Variants in FAHD2B observed in about 807,000 individuals in gnomAD.
FAHD2B encodes the protein oxaloacetate tautomerase FAHD2B, mitochondrial.
FAHD2B carries 26 observed loss-of-function variants against 33.7 expected under a neutral mutation model. The observed-to-expected ratio is 0.77, with a 90% CI of 0.57 to 1.07. The LOEUF is 1.07. Ranked by LOEUF, FAHD2B falls within the 50% of genes least tolerant of loss-of-function variation. The pLI is 0.00. For missense variants in FAHD2B, 272 were observed against 388.1 expected, an observed-to-expected ratio of 0.70 and a Z score of 2.51; for synonymous variants, 108 against 150.9, an observed-to-expected ratio of 0.72 and a Z score of 2.08.
rs773944783 is a variant in FAHD2B, at chr2:97,090,237, C to A, written c.334G>T (p.Gly112Cys). The A allele has an allele frequency of 6.2e-7, 1 of 1,610,526 alleles. No homozygotes were observed. The highest frequency in any genetic ancestry group is 8.5e-7 in the Non-Finnish European group (1 of 1,178,582). ...TTGCAGTGGTCCACATAATTCATGC[C>A]CACACACACCACCTTATCTGGCCAT... ...VTWPDKVVCV[G>C]MNYVDHCKEQ... is the part of the protein sequence containing the mutation. Residue 112 changes from glycine to cysteine, a missense_variant, in exon 4 of 9, where the codon GGC becomes TGC. Physicochemically the swap from Gly to Cys is radical, Grantham distance 159. Coordinates refer to ENST00000414820, the MANE Select transcript of FAHD2B (RefSeq NM_001320848.2).
rs1438943985 is a variant in FAHD2B at position 97,090,230 on chromosome 2, T to C, written c.341A>G (p.Asn114Ser). The C allele has an allele frequency of 6.2e-7, 1 of 1,609,682 alleles. No individual in the cohort carries two copies. Among genetic ancestry groups the C allele is most frequent in the Non-Finnish European group, 8.5e-7 (1 of 1,178,130 alleles). ...WPDKVVCVGM[N>S]YVDHCKEQNV... is the part of the protein sequence containing the mutation. ...CTGTTCTTTGCAGTGGTCCACATAA[T>C]TCATGCCCACACACACCACCTTATC... is the stretch of plus-strand genomic sequence containing the variant. Residue 114 changes from asparagine to serine, a missense_variant, in exon 4 of 9, where the codon AAT becomes AGT. Asn to Ser is a conservative substitution (Grantham distance 46). Transcript: ENST00000414820.
Position 97,083,617 on chromosome 2 carries a change from C to T in FAHD2B, c.*138G>A. 7.3e-7 allele frequency: 1 copy of T among 1,372,856 alleles called. No homozygotes were observed. The allele number at this position is 1,372,856 out of a possible 1,614,324, so 85.0% of individuals were successfully genotyped here. On this transcript the variant is annotated 3_prime_UTR_variant, in exon 9 of 9. Coordinates refer to ENST00000414820, the MANE Select transcript of FAHD2B (RefSeq NM_001320848.2). ...GACCCGACGCATTTATTGAAGAGAG[C>T]TCTGTCCTTCTCCCTTCTACCGAGA...
At chr2:97,090,686 C>T (rs1474726501) in intron 3 of FAHD2B, among the ~76,000 whole-genome samples, 1 of 152,046 alleles carries the variant, frequency 6.6e-6, no homozygotes, top group East Asian at 1.9e-4. Context: ...TGATAGCATA[C>T]TATTTACATC....
At chr2:97,082,571 G>C, downstream of FAHD2B, 5 of 1,582,764 alleles carry the variant, frequency 3.2e-6, no homozygotes, top group Non-Finnish European at 4.3e-6. Context: ...GTGGGCTGCA[G>C]AGTACAGACA....
At chr2:97,084,791 T>C (rs2031857192) in intron 6 of FAHD2B, among the ~76,000 whole-genome samples, 1 of 151,464 alleles carries the variant, frequency 6.6e-6, no homozygotes. Flanking sequence ...TGCGTGCCTG[T>C]AGTCCCAGCT....
downstream of FAHD2B, chr2:97,083,279 T>C: frequency 2.5e-6 from 4 of 1,602,366 alleles, no homozygotes; most frequent in Non-Finnish European, 3.4e-6. Context: ...GAGGAGCCTG[T>C]GCTGAGACTT....
chr2:97,091,687 C>T lies in FAHD2B; in HGVS notation c.20G>A (p.Arg7Lys). Residue 7 changes from arginine to lysine, a missense_variant, in exon 3 of 9, where the codon AGA becomes AAA. Coordinates refer to ENST00000414820, the MANE Select transcript of FAHD2B (RefSeq NM_001320848.2). MLVSGR[R>K]RLLTALLQAQ... ...CTGCAGCAGAGCTGTGAGTAATCTT[C>T]TTCTACCAGACACCAGCATCAGAGC... 1.2e-6 allele frequency: 2 copies of T among 1,612,488 alleles called. No homozygotes were observed. Among genetic ancestry groups the T allele is most frequent in the Non-Finnish European group, 1.7e-6 (2 of 1,178,956 alleles).
rs1366921437 is a variant in FAHD2B at position 97,091,639 on chromosome 2, G to C, written c.68C>G (p.Pro23Arg). The stretch of plus-strand genomic sequence containing the variant: ...CTGCACTAGTCTCATGTCTCTGGAG[G>C]GTTGAAAGGGCCACTTCTGAGCCTG... ...LLQAQKWPFQ[P>R]SRDMRLVQFR... Residue 23 changes from proline (P) to arginine (R), a missense_variant, in exon 3 of 9, where the codon CCC (proline) becomes CGC (arginine). Physicochemically the swap from Pro to Arg is moderately radical, Grantham distance 103. Transcript: ENST00000414820. The C allele has an allele frequency of 6.2e-7, 1 of 1,613,844 alleles. No individual in the cohort carries two copies. The highest frequency in any genetic ancestry group is 2.2e-5 in the East Asian group (1 of 44,868).
downstream of FAHD2B, chr2:97,082,426 A>G: frequency 6.2e-7 from 1 of 1,613,710 alleles, no homozygotes; most frequent in Non-Finnish European, 8.5e-7. Flanking sequence ...CAGCTGTTCC[A>G]GTTCCTGCAG....
chr2:97,087,101 G>C (rs2032037161), intron 4 of FAHD2B: 1 of 152,134 alleles, frequency 6.6e-6, no homozygotes, highest in Non-Finnish European at 1.5e-5. Flanking sequence ...GCCCAGGCTG[G>C]AGTGCAGTGG....
At chr2:97,089,436 T>C (rs1418849955) in intron 4 of FAHD2B, among the ~76,000 whole-genome samples, 9 of 144,784 alleles carry the variant, frequency 6.2e-5, no homozygotes, top group Non-Finnish European at 9.1e-5. Context: ...GGAGAATCAC[T>C]TGAACCCAGG....
intron 4 of FAHD2B, among the ~76,000 whole-genome samples, chr2:97,088,952 G>A (rs984223937): frequency 2.6e-5 from 4 of 152,112 alleles, no homozygotes; most frequent in African/African-American, 9.7e-5. Context: ...GAGGGCAAGG[G>A]AGAGAAAGCA....
chr2:97,087,771 G>A (rs1179854476), intron 4 of FAHD2B, among the ~76,000 whole-genome samples: 1 of 152,064 alleles, frequency 6.6e-6, no homozygotes, highest in Non-Finnish European at 1.5e-5. Flanking sequence ...AGGATCCTTG[G>A]ATGAGAATCT....
intron 4 of FAHD2B, among the ~76,000 whole-genome samples, chr2:97,088,510 T>C (rs2032136745): frequency 6.6e-6 from 1 of 152,162 alleles, no homozygotes; most frequent in South Asian, 2.1e-4. Context: ...CCTCCTTGCC[T>C]TCTGCCATGA....
intron 6 of FAHD2B, 75 bp from the exon 7 acceptor site, chr2:97,084,352 G>A (rs1215090511): frequency 1.3e-6 from 2 of 1,563,202 alleles, no homozygotes. Flanking sequence ...AAACACAACT[G>A]TAGGGGCGCT....
intron 6 of FAHD2B, among the ~76,000 whole-genome samples, chr2:97,084,634 G>A (rs1393668579): frequency 3.9e-5 from 6 of 152,114 alleles, no homozygotes; most frequent in East Asian, 3.8e-4. Flanking sequence ...AGGGCCAAGC[G>A]TGGTGGCTCA....
At chr2:97,092,744 G>A (rs2032421606) in intron 1 of FAHD2B, among the ~76,000 whole-genome samples, 1 of 151,946 alleles carries the variant, frequency 6.6e-6, no homozygotes, top group Admixed American at 6.6e-5. Context: ...GTCGAGGTGG[G>A]TGGATCACTT....
intron 1 of FAHD2B, among the ~76,000 whole-genome samples, chr2:97,093,168 C>T (rs369283639): frequency 5.3e-5 from 8 of 152,070 alleles, no homozygotes; most frequent in African/African-American, 7.2e-5. Flanking sequence ...GCCTTCTATG[C>T]CCAAAAATGT....
At chr2:97,079,409 T>C (rs956871131), downstream of FAHD2B, among the ~76,000 whole-genome samples, 1 of 152,106 alleles carries the variant, frequency 6.6e-6, no homozygotes, top group African/African-American at 2.4e-5. Flanking sequence ...AGTGCTCCTT[T>C]TTCTCCATAA....
Sources: gnomAD v4.1 joint callset for allele counts (sites outside exome capture counted in the v4.1 genomes callset) on GRCh38, gnomAD v4.1.1 for gene constraint, MANE v1.5 for transcripts, NCBI Gene and HGNC (gene_info 2026-07-23, HGNC 2026-07-21) for gene names.